The following TMED8 variants were observed in gnomAD, a reference collection of about 807,000 sequenced individuals.
The protein encoded by TMED8 is protein TMED8.
Under a neutral mutation model 32.7 loss-of-function variants are expected in TMED8, and 15 were observed. The observed-to-expected ratio is 0.46, with a 90% CI of 0.31 to 0.71. TMED8 has a LOEUF of 0.71. Among genes scored for constraint, TMED8 ranks in the 30% least tolerant of loss-of-function variants. The pLI is 0.06. For missense variants in TMED8, 390 were observed against 423.9 expected, an observed-to-expected ratio of 0.92 and a Z score of 0.70; for synonymous variants, 147 against 161.4, an observed-to-expected ratio of 0.91 and a Z score of 0.68.
intron 1 of TMED8, among the ~76,000 whole-genome samples, chr14:77,369,987 C>A (rs1893640371): frequency 6.6e-6 from 1 of 152,128 alleles, no homozygotes; most frequent in Non-Finnish European, 1.5e-5. Context: ...ACCTGGCCAG[C>A]ATGGTGAAAC....
At chr14:77,366,029 C>T (rs1381972979) in intron 1 of TMED8, among the ~76,000 whole-genome samples, 1 of 152,220 alleles carries the variant, frequency 6.6e-6, no homozygotes, top group Non-Finnish European at 1.5e-5. Context: ...CCTAGCAACA[C>T]TTATTTTCTT....
intron 1 of TMED8, among the ~76,000 whole-genome samples, chr14:77,368,741 C>A (rs1047121604): frequency 6.6e-6 from 1 of 152,152 alleles, no homozygotes; most frequent in Non-Finnish European, 1.5e-5. Context: ...TCCCAAAGTG[C>A]TGGGATTACA....
Position 77,335,119 on chromosome 14 carries a change from T to C in TMED8, c.*6652A>G, listed in dbSNP as rs969099414. On this transcript the variant is annotated 3_prime_UTR_variant, in exon 6 of 6. Transcript: ENST00000216468. The stretch of plus-strand genomic sequence containing the variant: ...AAAGCATCACAAAACTGTTACCTAA[T>C]ATAAAACGCAAGAACTGAGCTACTT... 4 of 152,132 alleles carry C rather than the reference T, an allele frequency of 2.6e-5. No individual in the cohort carries two copies. Among genetic ancestry groups the C allele is most frequent in the African/African-American group, 9.7e-5 (4 of 41,432 alleles). The allele number at this position is 152,132 out of a possible 1,614,324, so 9.4% of individuals were successfully genotyped here.
intron 1 of TMED8, among the ~76,000 whole-genome samples, chr14:77,373,971 T>C (rs1158298131): frequency 6.6e-6 from 1 of 152,180 alleles, no homozygotes; most frequent in East Asian, 1.9e-4. Flanking sequence ...ATTCTAAGCT[T>C]CTTGAGGCCC....
At chr14:77,359,237 C>G (rs1893372410) in intron 1 of TMED8, among the ~76,000 whole-genome samples, 1 of 152,200 alleles carries the variant, frequency 6.6e-6, no homozygotes, top group South Asian at 2.1e-4. Context: ...CTTAACAACA[C>G]AGCCTAGAAG....
chr14:77,350,098 C>T (rs73311363), intron 2 of TMED8, among the ~76,000 whole-genome samples: 5,712 of 152,224 alleles, frequency 0.038, 319 homozygotes, highest in African/African-American at 0.13. Flanking sequence ...AATCAAGCTT[C>T]CTTGCTGTCC....
intron 1 of TMED8, among the ~76,000 whole-genome samples, chr14:77,364,683 C>T (rs1335590776): frequency 1.3e-5 from 2 of 152,130 alleles, no homozygotes; most frequent in East Asian, 3.9e-4. Context: ...ACCCTCACCA[C>T]CCCCAGCTTG....
chr14:77,373,834 G>T (rs1295527011), intron 1 of TMED8, among the ~76,000 whole-genome samples: 1 of 152,190 alleles, frequency 6.6e-6, no homozygotes, highest in Non-Finnish European at 1.5e-5. Context: ...TTGATGATAA[G>T]TGAGTTCTCA....
chr14:77,360,456 T>C (rs1274286717), intron 1 of TMED8, among the ~76,000 whole-genome samples: 1 of 152,200 alleles, frequency 6.6e-6, no homozygotes, highest in Non-Finnish European at 1.5e-5. Context: ...AGTATTTTTC[T>C]TTTTGTGTCT....
chr14:77,353,841 C>A (rs553114305), intron 1 of TMED8, among the ~76,000 whole-genome samples: 1 of 152,164 alleles, frequency 6.6e-6, no homozygotes, highest in African/African-American at 2.4e-5. Flanking sequence ...TTTCTCCCAA[C>A]AAAGAAACAC....
chr14:77,362,444 C>T (rs1252746512), intron 1 of TMED8, among the ~76,000 whole-genome samples: 1 of 151,928 alleles, frequency 6.6e-6, no homozygotes, highest in Admixed American at 6.6e-5. Context: ...TCTACATAAG[C>T]CTCATGGTAA....
At position 77,336,519 on chromosome 14, in the gene TMED8, G is replaced by A. The variant is rs986425313; in HGVS notation, c.*5252C>T. 6.6e-6 allele frequency: 1 copy of A among 152,132 alleles called. No individual in the cohort carries two copies. Among genetic ancestry groups the A allele is most frequent in the Non-Finnish European group, 1.5e-5 (1 of 68,030 alleles). 9.4% of individuals were successfully genotyped at this position (152,132 alleles called of 1,614,324 possible). On this transcript the variant is annotated 3_prime_UTR_variant, in exon 6 of 6. Transcript: ENST00000216468. ...TCTTACCTTAAGAATTCAAACAGGA[G>A]GGGCTTTGTTTAGCCTTCTTGGTTT...
At position 77,339,226 on chromosome 14, in the gene TMED8, T is replaced by C. The variant is rs1892836551; in HGVS notation, c.*2545A>G. 1 of 152,190 alleles carries C rather than the reference T, an allele frequency of 6.6e-6. No individual in the cohort carries two copies. Among genetic ancestry groups the C allele is most frequent in the Non-Finnish European group, 1.5e-5 (1 of 68,030 alleles). The allele number at this position is 152,190 out of a possible 1,614,324, so 9.4% of individuals were successfully genotyped here. A position where few individuals can be genotyped will look rare whatever the true frequency, so the allele number is the denominator to read the frequency against. ...TGAATTAGACAGTGAAAATATCTTCTTTTAGCTATTTTGTGCTAATGGAAC... is the reference window on the plus strand; with the variant it reads ...TGAATTAGACAGTGAAAATATCTTCCTTTAGCTATTTTGTGCTAATGGAAC... On this transcript the variant is annotated 3_prime_UTR_variant, in exon 6 of 6. Coordinates refer to ENST00000216468, the MANE Select transcript of TMED8 (RefSeq NM_213601.3).
chr14:77,347,901 G>C (rs1315336838), intron 2 of TMED8, among the ~76,000 whole-genome samples: 2 of 152,170 alleles, frequency 1.3e-5, no homozygotes, highest in African/African-American at 4.8e-5. Context: ...GCCCTTCGGG[G>C]GAGTCTATGA....
intron 1 of TMED8, among the ~76,000 whole-genome samples, chr14:77,372,906 TTATATATATA>T (rs1167584417): frequency 0.045 from 1,588 of 35,172 alleles, 36 homozygotes; most frequent in South Asian, 0.075. Context: ...GCCACAGATA[TTATATATATA>T]TATATATATA....
chr14:77,358,709 T>C (rs1212843517), intron 1 of TMED8, among the ~76,000 whole-genome samples: 2 of 152,254 alleles, frequency 1.3e-5, no homozygotes, highest in African/African-American at 4.8e-5. Flanking sequence ...TGCTTTCTTC[T>C]ACAATGTAAA....
At chr14:77,371,775 T>C (rs1012998825) in intron 1 of TMED8, among the ~76,000 whole-genome samples, 2 of 152,226 alleles carry the variant, frequency 1.3e-5, no homozygotes, top group African/African-American at 2.4e-5. Flanking sequence ...CCAATTTTCC[T>C]ATAGTATAGC....
At chr14:77,345,099 T>C (rs556692269) in intron 3 of TMED8, among the ~76,000 whole-genome samples, 1 of 152,308 alleles carries the variant, frequency 6.6e-6, no homozygotes, top group Non-Finnish European at 1.5e-5. Context: ...GCAATTCTCC[T>C]GCCTCAGCCT....
chr14:77,365,920 A>T (rs1038417362), intron 1 of TMED8, among the ~76,000 whole-genome samples: 3 of 152,166 alleles, frequency 2.0e-5, no homozygotes, highest in African/African-American at 7.2e-5. Context: ...GAAGTCCATG[A>T]GAGAGAGAAA....
Sources: gnomAD v4.1 joint callset for allele counts (sites outside exome capture counted in the v4.1 genomes callset) on GRCh38, gnomAD v4.1.1 for gene constraint, MANE v1.5 for transcripts, NCBI Gene and HGNC (gene_info 2026-07-23, HGNC 2026-07-21) for gene names.